The following DMD variants were observed in gnomAD, a reference collection of about 807,000 sequenced individuals.
DMD encodes mutant dystrophin.
DMD carries 63 observed loss-of-function variants against 330.1 expected under a neutral mutation model. The ratio of observed to expected loss-of-function variants is 0.19; its 90% CI spans 0.16 to 0.24. The LOEUF (loss-of-function observed/expected upper bound fraction) is 0.24, where lower values mean the gene tolerates loss of function less well. Among genes scored for constraint, DMD ranks in the 10% least tolerant of loss-of-function variants. DMD has a pLI of 1.00. For missense variants in DMD, 3,344 were observed against 2,684.1 expected (o/e 1.25, Z -5.43); for synonymous variants, 1,223 against 959.8 (o/e 1.27, Z -5.07).
intron 63 of DMD, among the ~76,000 whole-genome samples, chrX:31,243,790 C>CATTT (rs1335561208): frequency 1.2e-4 from 13 of 112,374 alleles, no homozygotes; most frequent in Non-Finnish European, 1.7e-4. Context: ...ACATTAACAC[C>CATTT]ATTTGACTCA....
At chrX:32,518,202 A>G (rs2046053940) in intron 17 of DMD, 71 bp from the exon 18 acceptor site, 1 of 1,010,561 alleles carries the variant, frequency 9.9e-7, no homozygotes, top group Non-Finnish European at 1.4e-6. Flanking sequence ...AAAGCAATTT[A>G]TCCACATTTA....
At chrX:32,401,179 T>G (rs1405428425) in intron 30 of DMD, among the ~76,000 whole-genome samples, 3 of 49,710 alleles carry the variant, frequency 6.0e-5, no homozygotes, top group South Asian at 1.7e-3. Flanking sequence ...CGGGGACTGT[T>G]GTGGGGTGGG....
At chrX:33,104,581 G>A (rs947898551) in intron 1 of DMD, among the ~76,000 whole-genome samples, 2 of 101,752 alleles carry the variant, frequency 2.0e-5, no homozygotes, top group Admixed American at 1.1e-4. Context: ...CCTATAAAAC[G>A]GCCCCACCCC....
intron 1 of DMD, among the ~76,000 whole-genome samples, chrX:33,216,956 C>T (rs1177380202): frequency 9.0e-6 from 1 of 111,440 alleles, no homozygotes; most frequent in Non-Finnish European, 1.9e-5. Context: ...GGGTCATTTT[C>T]CCAACTTGTT....
chrX:32,697,403 T>G (rs940437782), intron 9 of DMD, among the ~76,000 whole-genome samples: 4 of 112,116 alleles, frequency 3.6e-5, no homozygotes, highest in Admixed American at 2.8e-4. Context: ...AGTTATATTT[T>G]TCTTACATAG....
chrX:32,294,045 G>A (rs73619049), intron 42 of DMD, among the ~76,000 whole-genome samples: 5,782 of 111,585 alleles, frequency 0.052, 362 homozygotes, highest in African/African-American at 0.18. Context: ...TACCAGAAAC[G>A]TGCACCAACA....
chrX:32,220,996 G>A (rs1010009272), intron 43 of DMD, among the ~76,000 whole-genome samples: 2 of 111,125 alleles, frequency 1.8e-5, no homozygotes, highest in Non-Finnish European at 3.8e-5. Flanking sequence ...CCGTGCAACC[G>A]GTATTTAAAA....
At chrX:31,284,611 T>TCTTCTTCTTCTTCTTCTTCTTCTTC (rs2053015381) in intron 62 of DMD, among the ~76,000 whole-genome samples, 1 of 31,760 alleles carries the variant, frequency 3.1e-5, no homozygotes, top group Non-Finnish European at 7.5e-5. Context: ...TCTTCTTTTT[T>TCTTCTTCTTCTTCTTCTTCTTCTTC]TTGGCAGAGG....
At chrX:32,758,321 T>C (rs1036161213) in intron 7 of DMD, among the ~76,000 whole-genome samples, 2 of 111,473 alleles carry the variant, frequency 1.8e-5, no homozygotes, top group Non-Finnish European at 3.8e-5. Context: ...AGAGGGAAGA[T>C]GATGCAGACT....
chrX:31,372,278 A>C (rs2059632901), intron 60 of DMD, among the ~76,000 whole-genome samples: 1 of 112,222 alleles, frequency 8.9e-6, no homozygotes, highest in South Asian at 3.7e-4. Context: ...TGGAGGAAGG[A>C]GAGATTTTAG....
intron 52 of DMD, among the ~76,000 whole-genome samples, chrX:31,689,319 C>T (rs1363255271): frequency 8.9e-6 from 1 of 111,856 alleles, no homozygotes; most frequent in Non-Finnish European, 1.9e-5. Context: ...TTCTTATACA[C>T]CAATAACAGA....
intron 42 of DMD, among the ~76,000 whole-genome samples, chrX:32,290,914 G>A (rs1233863640): frequency 8.9e-6 from 1 of 112,015 alleles, no homozygotes; most frequent in Non-Finnish European, 1.9e-5. Flanking sequence ...GAGAAAACAT[G>A]TATCATATAT....
intron 2 of DMD, among the ~76,000 whole-genome samples, chrX:32,943,564 C>T (rs908263258): frequency 6.3e-5 from 7 of 110,787 alleles, no homozygotes; most frequent in African/African-American, 2.3e-4. Context: ...TAGTAGCCTC[C>T]TACTGATGAA....
At chrX:33,007,417 G>C (rs2093417772) in intron 2 of DMD, among the ~76,000 whole-genome samples, 1 of 110,789 alleles carries the variant, frequency 9.0e-6, no homozygotes, top group South Asian at 3.8e-4. Flanking sequence ...CAGGTTTTTT[G>C]TATGCCTCTT....
intron 29 of DMD, among the ~76,000 whole-genome samples, chrX:32,437,355 C>A (rs1390260810): frequency 8.9e-6 from 1 of 111,918 alleles, no homozygotes; most frequent in African/African-American, 3.2e-5. Flanking sequence ...AAGAGGTTTT[C>A]CTACTCAAGG....
intron 2 of DMD, among the ~76,000 whole-genome samples, chrX:32,944,321 A>G (rs1267130973): frequency 8.9e-6 from 1 of 112,031 alleles, no homozygotes; most frequent in Non-Finnish European, 1.9e-5. Context: ...AATCATTTCT[A>G]CATAGTTCTC....
At chrX:31,933,773 A>C (rs1444373008) in intron 45 of DMD, among the ~76,000 whole-genome samples, 1 of 112,007 alleles carries the variant, frequency 8.9e-6, no homozygotes, top group Non-Finnish European at 1.9e-5. Context: ...GAATATTATG[A>C]AAATGGAATT....
At chrX:31,836,844 C>A in intron 48 of DMD, 25 bp from the exon 49 acceptor site, 1 of 1,128,592 alleles carries the variant, frequency 8.9e-7, no homozygotes, top group East Asian at 3.0e-5. Context: ...CCATATAGTG[C>A]AGATTAACTT....
At chrX:31,720,274 G>T (rs767934730) in intron 52 of DMD, among the ~76,000 whole-genome samples, 1 of 112,051 alleles carries the variant, frequency 8.9e-6, no homozygotes, top group South Asian at 3.7e-4. Flanking sequence ...GAAGTAGTAG[G>T]TACAAAATAA....
Sources: allele counts gnomAD v4.1 joint callset (sites outside exome capture counted in the v4.1 genomes callset), GRCh38; gene constraint gnomAD v4.1.1; transcripts MANE v1.5; gene names NCBI Gene and HGNC (gene_info 2026-07-23, HGNC 2026-07-21).